The following SUPT3H variants were observed in gnomAD, a reference collection of about 807,000 sequenced individuals.
SUPT3H encodes the protein transcription initiation protein SPT3 homolog.
A neutral mutation model predicts 44.3 loss-of-function variants in SUPT3H; 44 were observed. The observed-to-expected ratio is 0.99, with a 90% confidence interval of 0.78 to 1.28. The LOEUF is 1.28. Ranked by LOEUF, SUPT3H falls within the 50% of genes most tolerant of loss-of-function variation. SUPT3H has a pLI of 0.00. For synonymous variants in SUPT3H, 124 were observed against 125.6 expected (o/e 0.99, Z 0.09); for missense variants, 380 against 387.1 (o/e 0.98, Z 0.15).
At chr6:44,921,131 T>G (rs983171323) in intron 10 of SUPT3H, among the ~76,000 whole-genome samples, 2 of 152,208 alleles carry the variant, frequency 1.3e-5, no homozygotes, top group African/African-American at 4.8e-5. Context: ...CCTCCCAATA[T>G]ATTTCTAACA....
At chr6:44,844,230 G>A (rs1771492655) in intron 10 of SUPT3H, among the ~76,000 whole-genome samples, 1 of 152,134 alleles carries the variant, frequency 6.6e-6, no homozygotes, top group Admixed American at 6.5e-5. Flanking sequence ...CCCATACCAT[G>A]TACAAATATT....
chr6:45,135,597 TAATTTATA>T (rs985815625), intron 2 of SUPT3H, among the ~76,000 whole-genome samples: 4 of 152,218 alleles, frequency 2.6e-5, no homozygotes, highest in African/African-American at 9.6e-5. Context: ...AGTCCTTTGC[TAATTTATA>T]ACAAGGATAG....
At chr6:45,127,045 G>C (rs763133345) in intron 2 of SUPT3H, among the ~76,000 whole-genome samples, 9 of 152,216 alleles carry the variant, frequency 5.9e-5, no homozygotes, top group Non-Finnish European at 1.3e-4. Context: ...GCTGGGCACA[G>C]TGGCTGACGC....
At chr6:45,087,535 T>G (rs530740054) in intron 3 of SUPT3H, among the ~76,000 whole-genome samples, 1 of 151,722 alleles carries the variant, frequency 6.6e-6, no homozygotes, top group Non-Finnish European at 1.5e-5. Flanking sequence ...AAAACACAAG[T>G]TTTAAAAAGA....
At chr6:45,268,290 T>C (rs1199843993) in intron 2 of SUPT3H, among the ~76,000 whole-genome samples, 1 of 152,130 alleles carries the variant, frequency 6.6e-6, no homozygotes, top group Non-Finnish European at 1.5e-5. Flanking sequence ...ACTCTGAAAT[T>C]AATGGCAAAT....
intron 10 of SUPT3H, among the ~76,000 whole-genome samples, chr6:44,930,194 T>C (rs994453732): frequency 2.0e-5 from 3 of 151,982 alleles, no homozygotes; most frequent in East Asian, 3.9e-4. Context: ...CTGGCTAACA[T>C]GGTGAAACCC....
At chr6:44,961,150 G>A (rs773401116) in intron 7 of SUPT3H, among the ~76,000 whole-genome samples, 6 of 151,986 alleles carry the variant, frequency 3.9e-5, no homozygotes, top group African/African-American at 1.2e-4. Context: ...TCACTATTAC[G>A]AGTCATTATA....
At chr6:44,944,939 C>T (rs908652019) in intron 9 of SUPT3H, among the ~76,000 whole-genome samples, 1 of 151,880 alleles carries the variant, frequency 6.6e-6, no homozygotes, top group Non-Finnish European at 1.5e-5. Context: ...TTGTGCTTCA[C>T]AGATGTTGTA....
At chr6:45,101,289 G>A (rs979662854) in intron 3 of SUPT3H, among the ~76,000 whole-genome samples, 5 of 152,206 alleles carry the variant, frequency 3.3e-5, no homozygotes, top group Admixed American at 3.3e-4. Context: ...GCTGGTCATG[G>A]TGGCGCATGC....
At chr6:44,877,387 T>G (rs1363345834) in intron 10 of SUPT3H, among the ~76,000 whole-genome samples, 2 of 150,852 alleles carry the variant, frequency 1.3e-5, no homozygotes, top group Non-Finnish European at 2.9e-5. Context: ...CAGAATCACT[T>G]GAACCCCAGA....
intron 2 of SUPT3H, among the ~76,000 whole-genome samples, chr6:45,254,163 G>T (rs373371834): frequency 1.3e-5 from 2 of 152,080 alleles, no homozygotes; most frequent in East Asian, 3.9e-4. Flanking sequence ...ATAGTTACTA[G>T]CATTTTAGAG....
chr6:44,958,879 T>TG (rs1361517335), intron 7 of SUPT3H, among the ~76,000 whole-genome samples: 1 of 144,946 alleles, frequency 6.9e-6, no homozygotes, highest in Non-Finnish European at 1.5e-5. Context: ...ATGGTTTTTT[T>TG]TTTTTTTTTT....
chr6:45,027,328 T>C (rs2153521820), intron 3 of SUPT3H, among the ~76,000 whole-genome samples: 1 of 152,260 alleles, frequency 6.6e-6, no homozygotes, highest in East Asian at 1.9e-4. Context: ...ATTTCTGCTC[T>C]TTCTCATTTC....
At chr6:45,122,269 C>T (rs1438721184) in intron 2 of SUPT3H, among the ~76,000 whole-genome samples, 1 of 152,048 alleles carries the variant, frequency 6.6e-6, no homozygotes, top group Admixed American at 6.6e-5. Context: ...GTCTGTAGCA[C>T]TTTTAGTACA....
intron 3 of SUPT3H, among the ~76,000 whole-genome samples, chr6:45,092,277 A>G (rs1206034581): frequency 6.6e-6 from 1 of 152,162 alleles, no homozygotes; most frequent in Non-Finnish European, 1.5e-5. Context: ...CATGATTTTT[A>G]CAGTATTTAT....
chr6:45,325,919 T>C (rs1313780382), intron 2 of SUPT3H, among the ~76,000 whole-genome samples: 2 of 151,804 alleles, frequency 1.3e-5, no homozygotes, highest in African/African-American at 4.8e-5. Context: ...ATGTGGATAA[T>C]GAATATACTA....
At chr6:45,362,989 T>TAATAAA (rs1794527028) in intron 2 of SUPT3H, among the ~76,000 whole-genome samples, 1 of 152,070 alleles carries the variant, frequency 6.6e-6, no homozygotes, top group Non-Finnish European at 1.5e-5. Flanking sequence ...TATTTTATTT[T>TAATAAA]TAATTTTGGT....
At chr6:45,120,886 T>C (rs1385169103) in intron 2 of SUPT3H, among the ~76,000 whole-genome samples, 1 of 152,134 alleles carries the variant, frequency 6.6e-6, no homozygotes, top group African/African-American at 2.4e-5. Flanking sequence ...TACTAAACAA[T>C]GCAAAAATTT....
chr6:45,333,358 C>A (rs1787902677), intron 2 of SUPT3H, among the ~76,000 whole-genome samples: 1 of 151,526 alleles, frequency 6.6e-6, no homozygotes, highest in Non-Finnish European at 1.5e-5. Flanking sequence ...ACCATACATT[C>A]CCATACAACT....
Sources: allele counts gnomAD v4.1 joint callset (sites outside exome capture counted in the v4.1 genomes callset), GRCh38; gene constraint gnomAD v4.1.1; transcripts MANE v1.5; gene names NCBI Gene and HGNC (gene_info 2026-07-23, HGNC 2026-07-21).